The following DNAJC11 variants were observed in gnomAD, a reference collection of about 807,000 sequenced individuals.
The protein encoded by DNAJC11 is DnaJ heat shock protein family (Hsp40) member C11.
In DNAJC11, 15 loss-of-function variants were observed where a neutral mutation model predicts 78.6. The ratio of observed to expected loss-of-function variants is 0.19; its 90% CI spans 0.13 to 0.29. The LOEUF (loss-of-function observed/expected upper bound fraction) is 0.29. Ranked by LOEUF, DNAJC11 falls within the 10% of genes least tolerant of loss-of-function variation. DNAJC11 has a pLI of 1.00. For missense variants in DNAJC11, 547 were observed against 709.6 expected, an observed-to-expected ratio of 0.77 and a Z score of 2.60; for synonymous variants, 292 against 272.1, an observed-to-expected ratio of 1.07 and a Z score of -0.72.
intron 1 of DNAJC11, among the ~76,000 whole-genome samples, chr1:6,695,707 C>T (rs1642825406): frequency 7.1e-6 from 1 of 141,100 alleles, no homozygotes; most frequent in Non-Finnish European, 1.5e-5. Context: ...ACTTGGGAGG[C>T]TGAGGCAGGA....
chr1:6,690,101 CT>C (rs1010790708), intron 1 of DNAJC11, among the ~76,000 whole-genome samples: 5 of 152,264 alleles, frequency 3.3e-5, no homozygotes, highest in Non-Finnish European at 7.4e-5. Flanking sequence ...TTATGGACCC[CT>C]AACCCGAAAG....
intron 1 of DNAJC11, among the ~76,000 whole-genome samples, chr1:6,700,295 C>T (rs773238411): frequency 2.0e-5 from 3 of 152,204 alleles, no homozygotes; most frequent in Admixed American, 6.5e-5. Context: ...ATGATAATCC[C>T]ACCACCCTTT....
At chr1:6,674,572 T>A (rs1642430708) in intron 3 of DNAJC11, among the ~76,000 whole-genome samples, 1 of 151,298 alleles carries the variant, frequency 6.6e-6, no homozygotes, top group Non-Finnish European at 1.5e-5. Flanking sequence ...AAAATAAAAA[T>A]AAAAAAATTA....
intron 4 of DNAJC11, among the ~76,000 whole-genome samples, chr1:6,657,821 A>G (rs907365758): frequency 6.6e-6 from 1 of 151,858 alleles, no homozygotes; most frequent in African/African-American, 2.4e-5. Context: ...ATTTTTTTGT[A>G]TTTTTAGTAG....
rs1157870375 is a variant in DNAJC11 at position 6,701,717 on chromosome 1, C to A, written c.72+12G>T. 6.5e-7 allele frequency: 1 copy of A among 1,543,388 alleles called. No individual in the cohort carries two copies. The highest frequency in any genetic ancestry group is 8.7e-7 in the Non-Finnish European group (1 of 1,149,110). On this transcript the variant is annotated intron_variant, in intron 1 of 15. Transcript: ENST00000377577. ...GGCCTCAGCCCCCAGAGCGTCCAGC[C>A]GCTGGCCTCACCTCCCTGCGCACGT...
chr1:6,638,616 G>A (rs1641823917), intron 11 of DNAJC11, among the ~76,000 whole-genome samples: 1 of 152,246 alleles, frequency 6.6e-6, no homozygotes, highest in Non-Finnish European at 1.5e-5. Context: ...CCGACTGTCA[G>A]TCTCTTTGGA....
intron 1 of DNAJC11, among the ~76,000 whole-genome samples, chr1:6,695,713 CAGG>C (rs1642825499): frequency 6.9e-6 from 1 of 144,850 alleles, no homozygotes; most frequent in East Asian, 2.0e-4. Flanking sequence ...GAGGCTGAGG[CAGG>C]AGAATTGCAT....
chr1:6,658,972 T>C (rs1286399056), intron 4 of DNAJC11, among the ~76,000 whole-genome samples: 2 of 152,224 alleles, frequency 1.3e-5, no homozygotes, highest in Non-Finnish European at 2.9e-5. Context: ...TCTGTAAGAC[T>C]TAGTTTTTAT....
chr1:6,661,027 A>C (rs1489263527), intron 4 of DNAJC11, among the ~76,000 whole-genome samples: 1 of 152,254 alleles, frequency 6.6e-6, no homozygotes, highest in Non-Finnish European at 1.5e-5. Flanking sequence ...TAAAACATTT[A>C]ACTGACAAAT....
At chr1:6,682,152 G>T (rs1642563044) in intron 1 of DNAJC11, among the ~76,000 whole-genome samples, 1 of 88,478 alleles carries the variant, frequency 1.1e-5, no homozygotes. Flanking sequence ...TTAGTCCTGG[G>T]ACCATAATTA....
intron 3 of DNAJC11, among the ~76,000 whole-genome samples, chr1:6,675,946 T>G (rs1642454972): frequency 1.3e-5 from 2 of 152,064 alleles, no homozygotes; most frequent in Non-Finnish European, 2.9e-5. Flanking sequence ...ACTTGAAAAA[T>G]TGTAGCCAAC....
intron 10 of DNAJC11, among the ~76,000 whole-genome samples, chr1:6,641,118 G>T (rs937056220): frequency 1.3e-5 from 2 of 152,062 alleles, no homozygotes; most frequent in African/African-American, 4.8e-5. Context: ...AGGCTCAGTG[G>T]CTCACGCCTG....
chr1:6,646,741 A>G (rs1641972282), intron 7 of DNAJC11, among the ~76,000 whole-genome samples: 1 of 152,192 alleles, frequency 6.6e-6, no homozygotes, highest in African/African-American at 2.4e-5. Context: ...ACAGAAATTC[A>G]CACTTCATTC....
chr1:6,677,823 T>A (rs1275203999), intron 3 of DNAJC11, among the ~76,000 whole-genome samples: 1 of 152,236 alleles, frequency 6.6e-6, no homozygotes, highest in East Asian at 1.9e-4. Flanking sequence ...ACATTTGCTA[T>A]ATATTTTGTT....
Position 6,634,850 on chromosome 1 carries a change from C to T in DNAJC11, c.*825G>A, listed in dbSNP as rs1298311034. The T allele has an allele frequency of 9.7e-6, 12 of 1,234,626 alleles. No homozygotes were observed. The East Asian group carries it at 2.3e-4, about 24-fold the overall frequency. The allele number at this position is 1,234,626 out of a possible 1,614,324, so 76.5% of individuals were successfully genotyped here. A position where few individuals can be genotyped will look rare whatever the true frequency, so the allele number is the denominator to read the frequency against. ...GGGTTGGGTGTGTCTGATGTCTTGC[C>T]AAGCGCCTGGTCCTGTCCTCTTGAG... On this transcript the variant is annotated 3_prime_UTR_variant, in exon 16 of 16. Transcript: ENST00000377577.
chr1:6,701,494 G>A (rs1199275848), intron 1 of DNAJC11, among the ~76,000 whole-genome samples: 5 of 152,196 alleles, frequency 3.3e-5, no homozygotes, highest in African/African-American at 1.2e-4. Flanking sequence ...CAGTGCACGC[G>A]GCGCACTGGC....
chr1:6,679,762 G>T (rs1414369342), intron 2 of DNAJC11, among the ~76,000 whole-genome samples: 1 of 152,130 alleles, frequency 6.6e-6, no homozygotes, highest in Non-Finnish European at 1.5e-5. Context: ...ACTAGCACTG[G>T]TAGGGTTTTT....
intron 3 of DNAJC11, among the ~76,000 whole-genome samples, chr1:6,674,549 G>C (rs1642430312): frequency 1.3e-5 from 2 of 152,042 alleles, no homozygotes; most frequent in East Asian, 1.9e-4. Context: ...AACAGAGCAA[G>C]ACTCCGTCTC....
intron 10 of DNAJC11, among the ~76,000 whole-genome samples, chr1:6,644,212 G>C (rs1265631570): frequency 6.6e-6 from 1 of 151,856 alleles, no homozygotes; most frequent in African/African-American, 2.4e-5. Context: ...TCAGCTCACT[G>C]CAACCTCCGC....
Sources: allele counts gnomAD v4.1 joint callset (sites outside exome capture counted in the v4.1 genomes callset), GRCh38; gene constraint gnomAD v4.1.1; transcripts MANE v1.5; gene names NCBI Gene and HGNC (gene_info 2026-07-23, HGNC 2026-07-21).